The following TRIM66 variants were observed in gnomAD, a reference collection of about 807,000 sequenced individuals.
TRIM66 encodes tripartite motif-containing protein 66.
TRIM66 carries 99 observed loss-of-function variants against 148.2 expected under a neutral mutation model. The observed-to-expected ratio is 0.67, with a 90% CI of 0.57 to 0.79. TRIM66 has a LOEUF of 0.79. Among genes scored for constraint, TRIM66 ranks in the 30% least tolerant of loss-of-function variants. The pLI, the probability that TRIM66 is intolerant of heterozygous loss-of-function variation, is 0.00. For missense variants in TRIM66, 1,666 were observed against 1,697.9 expected (o/e 0.98, Z 0.33); for synonymous variants, 616 against 635.9 (o/e 0.97, Z 0.47).
chr11:8,641,517 G>A (rs1292783266), intron 13 of TRIM66, among the ~76,000 whole-genome samples: 1 of 152,202 alleles, frequency 6.6e-6, no homozygotes, highest in African/African-American at 2.4e-5. Context: ...GGGGTTGGGA[G>A]GGAGTATGCT....
chr11:8,652,408 G>A (rs187017109), intron 6 of TRIM66, among the ~76,000 whole-genome samples: 7 of 152,172 alleles, frequency 4.6e-5, no homozygotes, highest in South Asian at 2.1e-4. Flanking sequence ...CTCCCTGCCC[G>A]CTCATCTAGG....
upstream of TRIM66, chr11:8,683,044 G>A: frequency 5.8e-6 from 5 of 864,108 alleles, no homozygotes; most frequent in Middle Eastern, 4.6e-4. Context: ...CTACCGTGGT[G>A]AGACCTCACG....
chr11:8,657,458 T>G (rs947752423), intron 6 of TRIM66, among the ~76,000 whole-genome samples: 1 of 151,962 alleles, frequency 6.6e-6, no homozygotes, highest in Non-Finnish European at 1.5e-5. Context: ...GATGATGACA[T>G]GGAGGCCCTG....
chr11:8,668,500 A>G (rs981322928), intron 6 of TRIM66, among the ~76,000 whole-genome samples: 1 of 152,044 alleles, frequency 6.6e-6, no homozygotes, highest in African/African-American at 2.4e-5. Flanking sequence ...TCAGGCAGAA[A>G]CCTCAGTTCT....
intron 15 of TRIM66, among the ~76,000 whole-genome samples, chr11:8,629,441 G>A (rs557745899): frequency 5.9e-5 from 9 of 152,278 alleles, no homozygotes; most frequent in Non-Finnish European, 1.3e-4. Context: ...AGCATTAAGA[G>A]CACTAAAATC....
At position 8,615,970 on chromosome 11, in the gene TRIM66, AT is replaced by A. The variant is rs1209948674; in HGVS notation, c.*1973del. On this transcript the variant is annotated 3_prime_UTR_variant, in exon 25 of 25. Coordinates refer to ENST00000646038, the MANE Select transcript of TRIM66 (RefSeq NM_001388022.1). ...AAAGGAAAGATGACCTAGAGCAGGA[AT>A]TAGTGACATGAGAACAGAGGGTACT... The A allele has an allele frequency of 1.3e-5, 2 of 152,296 alleles. No homozygotes were observed. Among genetic ancestry groups the A allele is most frequent in the Non-Finnish European group, 2.9e-5 (2 of 68,096 alleles). 9.4% of individuals were successfully genotyped at this position (152,296 alleles called of 1,614,324 possible). A position where few individuals can be genotyped will look rare whatever the true frequency, so the allele number is the denominator to read the frequency against.
At chr11:8,623,092 C>T (rs969107850) in intron 17 of TRIM66, among the ~76,000 whole-genome samples, 1 of 152,324 alleles carries the variant, frequency 6.6e-6, no homozygotes, top group East Asian at 1.9e-4. Context: ...AAAAGATGAA[C>T]ACAAGTAACA....
chr11:8,623,486 T>G (rs1000476679), intron 17 of TRIM66, among the ~76,000 whole-genome samples: 1 of 152,248 alleles, frequency 6.6e-6, no homozygotes, highest in Non-Finnish European at 1.5e-5. Context: ...TTATTGTGTG[T>G]AATAAGAACC....
chr11:8,629,744 A>G (rs1323201696), intron 15 of TRIM66, among the ~76,000 whole-genome samples: 4 of 152,236 alleles, frequency 2.6e-5, no homozygotes, highest in South Asian at 4.1e-4. Context: ...GAGGTCAGCA[A>G]TACATCCCAA....
intron 6 of TRIM66, among the ~76,000 whole-genome samples, chr11:8,670,266 C>G (rs904861526): frequency 6.6e-6 from 1 of 152,266 alleles, no homozygotes; most frequent in Non-Finnish European, 1.5e-5. Flanking sequence ...GCTGCCTTGG[C>G]CTCCCAAAGT....
intron 9 of TRIM66, 77 bp from the exon 10 acceptor site, chr11:8,648,163 C>T (rs1164089627): frequency 7.6e-7 from 1 of 1,321,754 alleles, no homozygotes; most frequent in Non-Finnish European, 1.1e-6. Flanking sequence ...GGAATCTCCA[C>T]AGGGAACTGT....
intron 13 of TRIM66, among the ~76,000 whole-genome samples, chr11:8,641,716 T>A (rs2036409031): frequency 6.6e-6 from 1 of 151,994 alleles, no homozygotes; most frequent in South Asian, 2.1e-4. Flanking sequence ...GTGTTGGAGG[T>A]GGGGCCTGGT....
rs2033807109 is a variant in TRIM66 at position 8,617,670 on chromosome 11, G to C, written c.*274C>G. The C allele has an allele frequency of 2.3e-6, 1 of 432,734 alleles. No homozygotes were observed. Among genetic ancestry groups the C allele is most frequent in the South Asian group, 5.7e-5 (1 of 17,698 alleles). The allele number at this position is 432,734 out of a possible 1,614,324, so 26.8% of individuals were successfully genotyped here. A position where few individuals can be genotyped will look rare whatever the true frequency, so the allele number is the denominator to read the frequency against. On this transcript the variant is annotated 3_prime_UTR_variant, in exon 25 of 25. Coordinates refer to ENST00000646038, the MANE Select transcript of TRIM66 (RefSeq NM_001388022.1). The stretch of plus-strand genomic sequence containing the variant: ...AAGTAGGTTTTCCCGAGCCTAACCA[G>C]GTGTGGTCTTGTCAAGTGGAGCCTA...
At chr11:8,672,669 G>A (rs1348926311) in intron 4 of TRIM66, among the ~76,000 whole-genome samples, 4 of 149,648 alleles carry the variant, frequency 2.7e-5, no homozygotes, top group African/African-American at 4.9e-5. Flanking sequence ...GGCCCAGGCT[G>A]GAGTGCAGTG....
intron 15 of TRIM66, among the ~76,000 whole-genome samples, chr11:8,631,169 G>A (rs1482097064): frequency 6.6e-6 from 1 of 152,202 alleles, no homozygotes; most frequent in Non-Finnish European, 1.5e-5. Flanking sequence ...TCTGGGACCA[G>A]CCTTGAAAAC....
rs1366385612 is a variant in TRIM66, at chr11:8,679,625, T to C, written c.-195A>G. 1.3e-5 allele frequency: 2 copies of C among 152,730 alleles called. No homozygotes were observed. Among genetic ancestry groups the C allele is most frequent in the African/African-American group, 4.8e-5 (2 of 41,460 alleles). 9.5% of individuals were successfully genotyped at this position (152,730 alleles called of 1,614,324 possible). ...CAAGGCCCTGCCCAGCTTACCTCCA[T>C]TGACAGATCATCTTCCCAAGGTTAG... On this transcript the variant is annotated 5_prime_UTR_variant, in exon 3 of 25. An upstream start codon of the reference 5' UTR is lost. Transcript: ENST00000646038.
In TRIM66 at chr11:8,620,957, G is replaced by A. The variant is rs1351156366; in HGVS notation, c.3545+75C>T. The A allele has an allele frequency of 4.0e-6, 6 of 1,490,160 alleles. No individual in the cohort carries two copies. In the African/African-American group the frequency reaches 7.0e-5, roughly 17 times the overall value. The allele number at this position is 1,490,160 out of a possible 1,614,324, so 92.3% of individuals were successfully genotyped here. A position where few individuals can be genotyped will look rare whatever the true frequency, so the allele number is the denominator to read the frequency against. ...GTAAGCCCATCCTGGGAGCTCTGTG[G>A]GCCTGGCCTGGAATAATCATCCCTG... is the stretch of plus-strand genomic sequence containing the variant. On this transcript the variant is annotated intron_variant, in intron 20 of 24. Transcript: ENST00000646038.
At chr11:8,677,505 C>T (rs1409828986) in intron 3 of TRIM66, among the ~76,000 whole-genome samples, 2 of 151,982 alleles carry the variant, frequency 1.3e-5, no homozygotes, top group Admixed American at 6.6e-5. Flanking sequence ...GGAGGCTGGG[C>T]GTGATGGTCA....
intron 5 of TRIM66, 34 bp downstream of exon 5, chr11:8,672,214 G>A (rs751809630): frequency 6.5e-7 from 1 of 1,536,136 alleles, no homozygotes; most frequent in South Asian, 1.2e-5. Context: ...CCTCTCCAGA[G>A]CTGGAGGCTC....
Sources: gnomAD v4.1 joint callset for allele counts (sites outside exome capture counted in the v4.1 genomes callset) on GRCh38, gnomAD v4.1.1 for gene constraint, MANE v1.5 for transcripts, NCBI Gene and HGNC (gene_info 2026-07-23, HGNC 2026-07-21) for gene names.